Variants in MACROD2 observed in about 807,000 individuals in gnomAD.
MACROD2 encodes ADP-ribose glycohydrolase MACROD2.
MACROD2 carries 36 observed loss-of-function variants against 70.4 expected under a neutral mutation model. The observed-to-expected ratio is 0.51, with a 90% CI of 0.39 to 0.68. The LOEUF (loss-of-function observed/expected upper bound fraction) is 0.68, where lower values mean the gene tolerates loss of function less well. MACROD2 is among the 30% of genes least tolerant of loss of function. MACROD2 has a pLI of 0.00. For missense variants in MACROD2, 496 were observed against 538.4 expected, an observed-to-expected ratio of 0.92 and a Z score of 0.78; for synonymous variants, 172 against 178.8, an observed-to-expected ratio of 0.96 and a Z score of 0.30.
chr20:15,738,781 A>T (rs1300229471), intron 8 of MACROD2, among the ~76,000 whole-genome samples: 5 of 152,092 alleles, frequency 3.3e-5, no homozygotes, highest in Non-Finnish European at 7.4e-5. Flanking sequence ...CAGGAAGTGG[A>T]TCTTGGGGTC....
At chr20:15,178,588 A>G (rs79932625) in intron 5 of MACROD2, among the ~76,000 whole-genome samples, 5,545 of 152,236 alleles carry the variant, frequency 0.036, 130 homozygotes, top group Non-Finnish European at 0.056. Context: ...TAACCTCCCT[A>G]TCAATCCTGA....
At chr20:15,385,656 A>G (rs1389296777) in intron 6 of MACROD2, among the ~76,000 whole-genome samples, 1 of 152,194 alleles carries the variant, frequency 6.6e-6, no homozygotes, top group Non-Finnish European at 1.5e-5. Flanking sequence ...AGATAGGTCC[A>G]TTAATTTTCT....
chr20:14,019,911 C>G (rs2148623285), intron 2 of MACROD2, among the ~76,000 whole-genome samples: 1 of 152,292 alleles, frequency 6.6e-6, no homozygotes, highest in African/African-American at 2.4e-5. Context: ...ATTCATGCCT[C>G]TGTCATCCTT....
At chr20:15,546,106 G>A (rs766049410) in intron 8 of MACROD2, among the ~76,000 whole-genome samples, 9 of 152,272 alleles carry the variant, frequency 5.9e-5, no homozygotes, top group Admixed American at 2.0e-4. Flanking sequence ...TTAGCCAAGC[G>A]TGGTGATGCA....
chr20:14,880,238 G>A (rs6042960), intron 5 of MACROD2, among the ~76,000 whole-genome samples: 138,174 of 152,214 alleles, frequency 0.91, 62,897 homozygotes, highest in East Asian at 1. Context: ...GGGAGCATGG[G>A]AGCTGGGTGC....
At position 15,799,221 on chromosome 20, in the gene MACROD2, C is replaced by A. The variant is rs1053134241; in HGVS notation, c.646-63524C>A. Among the ~76,000 whole-genome samples, 4 of 152,214 alleles carry A rather than the reference C, an allele frequency of 2.6e-5. No individual in the cohort carries two copies. The South Asian group carries it at 8.3e-4, about 32-fold the overall frequency. On this transcript the variant is annotated intron_variant, in intron 8 of 17. Coordinates refer to ENST00000684519, the MANE Select transcript of MACROD2 (RefSeq NM_001351661.2). ...AATAATTGTACATATTTATAGGGTA[C>A]CTGTGATATTGGGATACCTGCACAC...
chr20:15,200,412 G>T (rs770940139), intron 5 of MACROD2, among the ~76,000 whole-genome samples: 1 of 152,174 alleles, frequency 6.6e-6, no homozygotes, highest in Non-Finnish European at 1.5e-5. Context: ...GGTGAGAAAA[G>T]ATCAAATCAC....
chr20:14,154,677 G>T (rs1448448816), intron 3 of MACROD2, among the ~76,000 whole-genome samples: 1 of 151,158 alleles, frequency 6.6e-6, no homozygotes, highest in Admixed American at 6.6e-5. Flanking sequence ...CTCCCAAAGT[G>T]CTGGGATTAT....
At chr20:14,299,273 C>T (rs2082454401) in intron 3 of MACROD2, among the ~76,000 whole-genome samples, 1 of 152,182 alleles carries the variant, frequency 6.6e-6, no homozygotes, top group Non-Finnish European at 1.5e-5. Flanking sequence ...AAGTCTCAGA[C>T]ATTTATTGGC....
chr20:14,669,704 G>A (rs1290474794), intron 4 of MACROD2, among the ~76,000 whole-genome samples: 1 of 152,026 alleles, frequency 6.6e-6, no homozygotes, highest in Non-Finnish European at 1.5e-5. Flanking sequence ...CCACTGGGAA[G>A]TTTTTGGTAG....
intron 8 of MACROD2, among the ~76,000 whole-genome samples, chr20:15,571,158 A>G (rs2048372132): frequency 6.6e-6 from 1 of 152,158 alleles, no homozygotes; most frequent in Non-Finnish European, 1.5e-5. Context: ...TTTTTACTGA[A>G]GCCACTATTT....
chr20:15,694,703 C>T (rs2050342867), intron 8 of MACROD2, among the ~76,000 whole-genome samples: 2 of 152,130 alleles, frequency 1.3e-5, no homozygotes, highest in African/African-American at 4.8e-5. Context: ...TTTTGCCATG[C>T]AAAAGCTCTT....
chr20:15,145,549 AC>A (rs2076224201), intron 5 of MACROD2, among the ~76,000 whole-genome samples: 1 of 152,156 alleles, frequency 6.6e-6, no homozygotes, highest in African/African-American at 2.4e-5. Context: ...TGAAAGAAAT[AC>A]CAAACATTTG....
At chr20:15,486,928 G>A (rs994312853) in intron 7 of MACROD2, among the ~76,000 whole-genome samples, 11 of 152,288 alleles carry the variant, frequency 7.2e-5, no homozygotes, top group African/African-American at 2.2e-4. Flanking sequence ...ACAAGACTGC[G>A]GGTTGGCTGT....
At chr20:14,442,847 C>T (rs1025847183) in intron 3 of MACROD2, among the ~76,000 whole-genome samples, 4 of 152,042 alleles carry the variant, frequency 2.6e-5, no homozygotes, top group South Asian at 2.1e-4. Flanking sequence ...GAAGCCGAGG[C>T]GGGCAGATCA....
intron 5 of MACROD2, among the ~76,000 whole-genome samples, chr20:14,965,564 C>T (rs1237851057): frequency 6.8e-6 from 1 of 147,710 alleles, no homozygotes; most frequent in Non-Finnish European, 1.5e-5. Flanking sequence ...GGGTTCACGC[C>T]ATTCTCCTGA....
intron 8 of MACROD2, among the ~76,000 whole-genome samples, chr20:15,657,536 A>G (rs1341742057): frequency 6.6e-6 from 1 of 152,226 alleles, no homozygotes. Context: ...AGGTCATTTT[A>G]TATTTCCTTT....
At chr20:14,604,575 A>G (rs1205327304) in intron 4 of MACROD2, among the ~76,000 whole-genome samples, 1 of 152,176 alleles carries the variant, frequency 6.6e-6, no homozygotes, top group Non-Finnish European at 1.5e-5. Flanking sequence ...TCTCATCCTC[A>G]AAAACATCCG....
At chr20:14,260,439 C>T (rs2082092351) in intron 3 of MACROD2, among the ~76,000 whole-genome samples, 2 of 152,250 alleles carry the variant, frequency 1.3e-5, no homozygotes, top group East Asian at 1.9e-4. Context: ...ACCCTAAGCT[C>T]CCTTTTTTTG....
Sources: gnomAD v4.1 joint callset for allele counts (sites outside exome capture counted in the v4.1 genomes callset) on GRCh38, gnomAD v4.1.1 for gene constraint, MANE v1.5 for transcripts, NCBI Gene and HGNC (gene_info 2026-07-23, HGNC 2026-07-21) for gene names.